Variants in ATXN1 observed in about 807,000 individuals in gnomAD.
ATXN1 encodes ataxin 1.
In ATXN1, 8 loss-of-function variants were observed where a neutral mutation model predicts 56.4. That is an observed-to-expected ratio of 0.14 (90% CI 0.08 to 0.26). The LOEUF is 0.26. Among genes scored for constraint, ATXN1 ranks in the 10% least tolerant of loss-of-function variants. The pLI is 1.00. For synonymous variants in ATXN1, 514 were observed against 494.6 expected, an observed-to-expected ratio of 1.04 and a Z score of -0.52; for missense variants, 987 against 1,106.5, an observed-to-expected ratio of 0.89 and a Z score of 1.53.
intron 2 of ATXN1, among the ~76,000 whole-genome samples, chr6:16,750,924 T>G (rs1456553642): frequency 4.0e-5 from 6 of 151,736 alleles, no homozygotes; most frequent in South Asian, 2.1e-4. Context: ...CCCTAAGAGA[T>G]AAAGTAGCAG....
At chr6:16,747,345 T>C (rs537777122) in intron 2 of ATXN1, among the ~76,000 whole-genome samples, 1 of 152,158 alleles carries the variant, frequency 6.6e-6, no homozygotes, top group East Asian at 1.9e-4. Context: ...GGAGCACACA[T>C]TAAACTCCAC....
chr6:16,524,446 C>T (rs184249645), intron 4 of ATXN1, among the ~76,000 whole-genome samples: 3 of 152,256 alleles, frequency 2.0e-5, no homozygotes, highest in Admixed American at 1.3e-4. Flanking sequence ...TAACAACAGA[C>T]GAGACGTCTA....
In ATXN1 at chr6:16,301,905, A is replaced by T. The variant is rs971897128; in HGVS notation, c.*4424T>A. On this transcript the variant is annotated 3_prime_UTR_variant, in exon 8 of 8. Transcript: ENST00000436367. ...TATGAAAGAAATAGGTTTCCTTAGT[A>T]GTCACAGATGTTAAAGGGTATTGTC... 3.3e-5 allele frequency: 5 copies of T among 152,798 alleles called. No homozygotes were observed. The highest frequency in any genetic ancestry group is 7.3e-5 in the Non-Finnish European group (5 of 68,078). 9.5% of individuals were successfully genotyped at this position (152,798 alleles called of 1,614,324 possible). A position where few individuals can be genotyped will look rare whatever the true frequency, so the allele number is the denominator to read the frequency against.
At chr6:16,578,758 T>A (rs75701256) in intron 4 of ATXN1, among the ~76,000 whole-genome samples, 1 of 148,062 alleles carries the variant, frequency 6.8e-6, no homozygotes. Context: ...AAAAAAAAAA[T>A]CACAAGACGA....
chr6:16,740,370 G>T (rs896796103), intron 2 of ATXN1, among the ~76,000 whole-genome samples: 7 of 152,116 alleles, frequency 4.6e-5, no homozygotes, highest in African/African-American at 1.7e-4. Context: ...CTGATTCACA[G>T]GTGGCTGGAA....
intron 6 of ATXN1, among the ~76,000 whole-genome samples, chr6:16,455,657 A>G (rs1481812821): frequency 1.3e-5 from 2 of 152,238 alleles, no homozygotes; most frequent in Admixed American, 6.5e-5. Flanking sequence ...GAATGGGTAC[A>G]TGAACTGTGG....
chr6:16,686,315 C>T (rs1220458049), intron 2 of ATXN1, among the ~76,000 whole-genome samples: 1 of 151,998 alleles, frequency 6.6e-6, no homozygotes, highest in Non-Finnish European at 1.5e-5. Context: ...CATACACTTC[C>T]GAAGTAGTAT....
At chr6:16,464,928 A>G (rs898770621) in intron 6 of ATXN1, among the ~76,000 whole-genome samples, 1 of 152,224 alleles carries the variant, frequency 6.6e-6, no homozygotes, top group African/African-American at 2.4e-5. Context: ...GTTCAATTTC[A>G]ACAAATGTAA....
At chr6:16,615,372 C>G (rs1763189353) in intron 3 of ATXN1, 1 of 151,004 alleles carries the variant, frequency 6.6e-6, no homozygotes, top group Non-Finnish European at 1.5e-5. Flanking sequence ...CTATCAGAGG[C>G]TTCTGGAAAT....
At position 16,466,946 on chromosome 6, in the gene ATXN1, A is replaced by G. The variant is rs1535017; in HGVS notation, c.-161+19026T>C. 7.0e-3 allele frequency among the ~76,000 whole-genome samples: 1,070 copies of G among 152,342 alleles called. 9 individuals are homozygous for G. The highest frequency in any genetic ancestry group is 0.025 in the African/African-American group (1,020 of 41,564). On this transcript the variant is annotated intron_variant, in intron 6 of 7. Coordinates refer to ENST00000436367, the MANE Select transcript of ATXN1 (RefSeq NM_001128164.2). ...CAATAACGTCTTCCTCGCTGAGGGTAGAATAGTCAGTGCCTTACACAAAAG... is the reference window on the plus strand; with the variant it reads ...CAATAACGTCTTCCTCGCTGAGGGTGGAATAGTCAGTGCCTTACACAAAAG...
intron 5 of ATXN1, among the ~76,000 whole-genome samples, chr6:16,513,419 G>A (rs753730995): frequency 2.0e-5 from 3 of 152,168 alleles, no homozygotes; most frequent in Non-Finnish European, 4.4e-5. Context: ...GAAACTATAG[G>A]AAATGGGGAA....
rs1760944137 is a variant in ATXN1 at position 16,504,462 on chromosome 6, C to A, written c.-299+18165G>T. Reference sequence around the variant, plus strand: ...AAAAGAGTGGTAGCACCCCCACCCCCAGAAACTAATCATTTAATCTACAGT... The same window carrying A: ...AAAAGAGTGGTAGCACCCCCACCCCAAGAAACTAATCATTTAATCTACAGT... On this transcript the variant is annotated intron_variant, in intron 5 of 7. Transcript: ENST00000436367. 2.0e-5 allele frequency among the ~76,000 whole-genome samples: 3 copies of A among 152,196 alleles called. No homozygotes were observed. In the South Asian group the frequency reaches 6.2e-4, roughly 32 times the overall value.
chr6:16,655,520 C>T (rs972078754), intron 3 of ATXN1, among the ~76,000 whole-genome samples: 9 of 151,992 alleles, frequency 5.9e-5, no homozygotes, highest in Non-Finnish European at 1.2e-4. Flanking sequence ...GATGCAGGCC[C>T]TAAATGTGAC....
chr6:16,711,171 T>C (rs185329274), intron 2 of ATXN1, among the ~76,000 whole-genome samples: 6 of 152,278 alleles, frequency 3.9e-5, no homozygotes, highest in African/African-American at 1.2e-4. Context: ...TGATGGCAAT[T>C]TCATAAGGAA....
intron 6 of ATXN1, among the ~76,000 whole-genome samples, chr6:16,421,751 TG>T (rs1759038505): frequency 6.6e-6 from 1 of 151,768 alleles, no homozygotes; most frequent in South Asian, 2.1e-4. Context: ...TGCACATGTG[TG>T]GGTGAGTGTG....
At chr6:16,439,848 G>T (rs1171561424) in intron 6 of ATXN1, among the ~76,000 whole-genome samples, 1 of 151,452 alleles carries the variant, frequency 6.6e-6, no homozygotes, top group South Asian at 2.1e-4. Context: ...GCTGAAGTGG[G>T]CAGATCATCT....
intron 3 of ATXN1, among the ~76,000 whole-genome samples, chr6:16,604,970 T>A (rs1276288104): frequency 1.3e-5 from 2 of 152,220 alleles, no homozygotes; most frequent in African/African-American, 4.8e-5. Flanking sequence ...TATATGTGAA[T>A]TATATTACAT....
At chr6:16,408,041 A>G (rs1288360518) in intron 6 of ATXN1, among the ~76,000 whole-genome samples, 1 of 152,158 alleles carries the variant, frequency 6.6e-6, no homozygotes, top group Non-Finnish European at 1.5e-5. Context: ...GGGGGTGTCA[A>G]CAACAGGGGA....
intron 7 of ATXN1, among the ~76,000 whole-genome samples, chr6:16,324,615 T>C (rs1288812569): frequency 1.3e-5 from 2 of 152,154 alleles, no homozygotes; most frequent in African/African-American, 2.4e-5. Context: ...AAATCCTAGA[T>C]GGAAACACTT....
Sources: allele counts gnomAD v4.1 joint callset (sites outside exome capture counted in the v4.1 genomes callset), GRCh38; gene constraint gnomAD v4.1.1; transcripts MANE v1.5; gene names NCBI Gene and HGNC (gene_info 2026-07-23, HGNC 2026-07-21).